The following PPP1R13B variants were observed in gnomAD, a reference collection of about 807,000 sequenced individuals.
PPP1R13B encodes apoptosis-stimulating of p53 protein 1.
In PPP1R13B, 44 loss-of-function variants were observed where a neutral mutation model predicts 119.8. The ratio of observed to expected loss-of-function variants is 0.37; its 90% confidence interval spans 0.29 to 0.47. The LOEUF (loss-of-function observed/expected upper bound fraction) is 0.47, where lower values mean the gene tolerates loss of function less well. Among genes scored for constraint, PPP1R13B ranks in the 20% least tolerant of loss-of-function variants. The probability of loss-of-function intolerance (pLI) is 0.99; values close to 1 mark genes in which losing one functional copy is unlikely to be tolerated. For missense variants in PPP1R13B, 1,227 were observed against 1,413.5 expected, an observed-to-expected ratio of 0.87 and a Z score of 2.12; for synonymous variants, 542 against 561.5, an observed-to-expected ratio of 0.97 and a Z score of 0.49.
At chr14:103,828,014 C>T (rs1178494150) in intron 1 of PPP1R13B, among the ~76,000 whole-genome samples, 1 of 152,046 alleles carries the variant, frequency 6.6e-6, no homozygotes, top group East Asian at 1.9e-4. Flanking sequence ...AAATAACCAA[C>T]CACACAAAGA....
chr14:103,764,409 A>G, intron 4 of PPP1R13B: 1 of 305,716 alleles, frequency 3.3e-6, no homozygotes, highest in Non-Finnish European at 6.6e-6. Context: ...TTCTTTGATG[A>G]GATGTCTATT....
rs146639878 is a variant in PPP1R13B at position 103,838,154 on chromosome 14, A to T, written c.9+9145T>A. The stretch of plus-strand genomic sequence containing the variant: ...AATAAATAAAGTAAATAACAACAAT[A>T]AAAACATTTGGTGGTTTCTGATCAT... On this transcript the variant is annotated intron_variant, in intron 1 of 16. Coordinates refer to ENST00000202556, the MANE Select transcript of PPP1R13B (RefSeq NM_015316.3). Among the ~76,000 whole-genome samples, 552 of 152,126 alleles carry T rather than the reference A, an allele frequency of 3.6e-3. 5 individuals carry two copies. The highest frequency in any genetic ancestry group is 0.013 in the African/African-American group (535 of 41,508).
At chr14:103,830,757 G>C (rs1482762528) in intron 1 of PPP1R13B, among the ~76,000 whole-genome samples, 3 of 152,134 alleles carry the variant, frequency 2.0e-5, no homozygotes, top group Non-Finnish European at 2.9e-5. Context: ...GGCAAAATCT[G>C]AAATTGTGTT....
chr14:103,771,318 C>A (rs1364655685), intron 4 of PPP1R13B, among the ~76,000 whole-genome samples: 1 of 152,044 alleles, frequency 6.6e-6, no homozygotes, highest in African/African-American at 2.4e-5. Context: ...AGCTCATTGT[C>A]AAAAACCAAA....
intron 1 of PPP1R13B, among the ~76,000 whole-genome samples, chr14:103,822,816 A>G (rs529352007): frequency 3.4e-5 from 5 of 147,868 alleles, no homozygotes; most frequent in East Asian, 2.0e-4. Flanking sequence ...CCATCTCGAG[A>G]AAAAAAAAAA....
Position 103,758,255 on chromosome 14 carries a change from T to A in PPP1R13B, c.355-504A>T, listed in dbSNP as rs74565653. On this transcript the variant is annotated intron_variant, in intron 4 of 16. Coordinates refer to ENST00000202556, the MANE Select transcript of PPP1R13B (RefSeq NM_015316.3). The stretch of plus-strand genomic sequence containing the variant: ...ATGAAGAACACATCATCCGAGAGAA[T>A]TACATATGTGAAATCAACATGCAAA... Among the ~76,000 whole-genome samples the A allele has an allele frequency of 6.1e-3, 923 of 152,226 alleles. 12 individuals carry two copies. Among genetic ancestry groups the A allele is most frequent in the African/African-American group, 0.021 (868 of 41,548 alleles).
rs772028184 is a variant in PPP1R13B, at chr14:103,739,961, C to T, written c.2455G>A (p.Asp819Asn). Residue 819 changes from aspartate to asparagine, a missense_variant, in exon 12 of 17, where the codon GAC becomes AAC. By Grantham distance (23) the Asp-to-Asn change is conservative. Coordinates refer to ENST00000202556, the MANE Select transcript of PPP1R13B (RefSeq NM_015316.3). The stretch of plus-strand genomic sequence containing the variant: ...ACCGTGGCCACGTTGTTGTTATTGT[C>T]CTCTGCCGGCTCGGCAGTTTGGTGG... ...TTHQTAEPAE[D>N]NNNNVATVPT... 47 of 1,614,036 alleles carry T rather than the reference C, an allele frequency of 2.9e-5. No individual in the cohort carries two copies. The highest frequency in any genetic ancestry group is 3.9e-5 in the Non-Finnish European group (46 of 1,180,044).
At chr14:103,756,490 A>T (rs2084680980) in intron 5 of PPP1R13B, among the ~76,000 whole-genome samples, 1 of 152,232 alleles carries the variant, frequency 6.6e-6, no homozygotes, top group Non-Finnish European at 1.5e-5. Context: ...ACCATTACTT[A>T]GAAAGATTCG....
intron 1 of PPP1R13B, among the ~76,000 whole-genome samples, chr14:103,843,730 A>G (rs2086961269): frequency 6.6e-6 from 1 of 152,176 alleles, no homozygotes; most frequent in Non-Finnish European, 1.5e-5. Context: ...TGAGGCAGGC[A>G]GATCACAAGG....
upstream of PPP1R13B, chr14:103,848,320 C>G: frequency 1.0e-6 from 1 of 985,482 alleles, no homozygotes; most frequent in Non-Finnish European, 1.2e-6. Flanking sequence ...CGGGGAGGGT[C>G]CGGTCCTCGT....
intron 1 of PPP1R13B, among the ~76,000 whole-genome samples, chr14:103,815,376 A>C (rs2086253601): frequency 6.6e-6 from 1 of 152,206 alleles, no homozygotes; most frequent in African/African-American, 2.4e-5. Context: ...CAATTTGTGA[A>C]TATACTAAGA....
intron 1 of PPP1R13B, among the ~76,000 whole-genome samples, chr14:103,843,246 C>T (rs549511612): frequency 2.6e-4 from 40 of 152,034 alleles, no homozygotes; most frequent in African/African-American, 9.2e-4. Flanking sequence ...TGGTGGTGTG[C>T]ACATGTAGTC....
chr14:103,749,969 G>A (rs1472883692), intron 7 of PPP1R13B, 35 bp from the exon 8 acceptor site: 1 of 1,595,778 alleles, frequency 6.3e-7, no homozygotes, highest in Admixed American at 1.8e-5. Context: ...TATGATTTGT[G>A]TTAATTAAAA....
At chr14:103,776,150 A>AAGGAAGGG (rs1162767714) in intron 4 of PPP1R13B, among the ~76,000 whole-genome samples, 48 of 113,406 alleles carry the variant, frequency 4.2e-4, no homozygotes, top group African/African-American at 1.8e-3. Context: ...GGAAGGAAGG[A>AAGGAAGGG]AGGAAGGGAG....
upstream of PPP1R13B, chr14:103,847,601 T>C (rs1388432377): frequency 6.6e-5 from 65 of 985,706 alleles, no homozygotes; most frequent in Middle Eastern, 5.2e-4. Flanking sequence ...GGCTCGCTCT[T>C]CAGCCCCCGC....
Position 103,754,118 on chromosome 14 carries a change from C to A in PPP1R13B, c.583G>T (p.Ala195Ser), listed in dbSNP as rs1438421438. ...CTGTAGTCGACTTGTCCTCTCATTG[C>A]ACGAATTTTCTTCAGCTTGTTCTCC... is the stretch of plus-strand genomic sequence containing the variant. ...AQENKLKKIR[A>S]MRGQVDYSKI... Residue 195 changes from alanine (A) to serine (S), a missense_variant, in exon 6 of 17, where the codon GCA becomes TCA. Transcript: ENST00000202556. 2 of 1,613,966 alleles carry A rather than the reference C, an allele frequency of 1.2e-6. No individual in the cohort carries two copies. Among genetic ancestry groups the A allele is most frequent in the Admixed American group, 1.7e-5 (1 of 59,960 alleles).
intron 1 of PPP1R13B, among the ~76,000 whole-genome samples, chr14:103,808,482 T>C (rs761373053): frequency 5.3e-5 from 8 of 152,128 alleles, no homozygotes; most frequent in Non-Finnish European, 8.8e-5. Flanking sequence ...ATATATATCA[T>C]GATGTTTTAA....
Position 103,739,929 on chromosome 14 carries a change from G to A in PPP1R13B, c.2487C>T (p.Thr829=). The part of the protein sequence containing the change: ...DNNNNVATVP[T]TEQIPSPVAE... ...CCACAGGACTCGGGATCTGCTCCGT[G>A]GTGGGGACCGTGGCCACGTTGTTGT... The change falls in exon 12 of 17, where the codon ACC becomes ACT. Residue 829 remains threonine, a synonymous_variant. Coordinates refer to ENST00000202556, the MANE Select transcript of PPP1R13B (RefSeq NM_015316.3). 6 of 1,614,132 alleles carry A rather than the reference G, an allele frequency of 3.7e-6. No homozygotes were observed. The highest frequency in any genetic ancestry group is 5.1e-6 in the Non-Finnish European group (6 of 1,180,052).
At chr14:103,771,385 G>C (rs1222694639) in intron 4 of PPP1R13B, among the ~76,000 whole-genome samples, 3 of 151,618 alleles carry the variant, frequency 2.0e-5, no homozygotes, top group Non-Finnish European at 2.9e-5. Flanking sequence ...CGTTCAGATT[G>C]AGAAATTATT....
Sources: gnomAD v4.1 joint callset for allele counts (sites outside exome capture counted in the v4.1 genomes callset) on GRCh38, gnomAD v4.1.1 for gene constraint, MANE v1.5 for transcripts, NCBI Gene and HGNC (gene_info 2026-07-23, HGNC 2026-07-21) for gene names.